The following CD47 variants were observed in gnomAD, a reference collection of about 807,000 sequenced individuals.
CD47 encodes the protein leukocyte surface antigen CD47.
In CD47, 11 loss-of-function variants were observed where a neutral mutation model predicts 44.6. That is an observed-to-expected ratio of 0.25 (90% CI 0.16 to 0.41). CD47 has a LOEUF of 0.41. Among genes scored for constraint, CD47 ranks in the 10% least tolerant of loss-of-function variants. CD47 has a pLI of 1.00. For missense variants in CD47, 306 were observed against 386.7 expected (o/e 0.79, Z 1.75); for synonymous variants, 140 against 136.3 (o/e 1.03, Z -0.19).
chr3:108,060,987 T>C, intron 3 of CD47, 135 bp from the exon 4 acceptor site: 1 of 600,232 alleles, frequency 1.7e-6, no homozygotes. Flanking sequence ...CTTAATATCA[T>C]CAAGTCACCT....
At position 108,046,981 on chromosome 3, in the gene CD47, C is replaced by T. The variant is rs2078730939; in HGVS notation, c.*307G>A. 2 of 305,152 alleles carry T rather than the reference C, an allele frequency of 6.6e-6. No individual in the cohort carries two copies. The highest frequency in any genetic ancestry group is 1.2e-5 in the Non-Finnish European group (2 of 167,170). 18.9% of individuals were successfully genotyped at this position (305,152 alleles called of 1,614,324 possible). Reference sequence around the variant, plus strand: ...TACCTAGAGGCCAGAGGCCCTAGGACCTGAAAGGCATCATTCTTGGAAATT... The same window carrying T: ...TACCTAGAGGCCAGAGGCCCTAGGATCTGAAAGGCATCATTCTTGGAAATT... On this transcript the variant is annotated 3_prime_UTR_variant, in exon 11 of 11. Transcript: ENST00000361309.
chr3:108,062,613 T>C (rs1340087398), intron 3 of CD47, among the ~76,000 whole-genome samples: 1 of 151,736 alleles, frequency 6.6e-6, no homozygotes, highest in Non-Finnish European at 1.5e-5. Flanking sequence ...TTGACTTATG[T>C]TCTTCTTCTA....
chr3:108,054,255 C>G (rs913636466), intron 7 of CD47: 3 of 152,106 alleles, frequency 2.0e-5, no homozygotes, highest in African/African-American at 7.2e-5. Flanking sequence ...TTGCTAACCG[C>G]CAAGTAACTC....
chr3:108,074,409 G>C (rs2079267192), intron 2 of CD47, among the ~76,000 whole-genome samples: 1 of 152,022 alleles, frequency 6.6e-6, no homozygotes, highest in African/African-American at 2.4e-5. Flanking sequence ...CACCTCCCGG[G>C]TTCAAGCAAT....
rs1476690978 is a variant in CD47, at chr3:108,044,691, GA to G, written c.*2596del. 2 of 152,142 alleles carry G rather than the reference GA, an allele frequency of 1.3e-5. No homozygotes were observed. The highest frequency in any genetic ancestry group is 2.1e-4 in the South Asian group (1 of 4,834). The allele number at this position is 152,142 out of a possible 1,614,324, so 9.4% of individuals were successfully genotyped here. A position where few individuals can be genotyped will look rare whatever the true frequency, so the allele number is the denominator to read the frequency against. Reference sequence around the variant, plus strand: ...AGCAGAGATGCATAAAGTACTATAGGAATGGTAAGTTAAGAGACAAAAGAGC... The same window carrying G: ...AGCAGAGATGCATAAAGTACTATAGGATGGTAAGTTAAGAGACAAAAGAGC... On this transcript the variant is annotated 3_prime_UTR_variant, in exon 11 of 11. Coordinates refer to ENST00000361309, the MANE Select transcript of CD47 (RefSeq NM_001777.4).
chr3:108,085,858 C>T (rs560340192), intron 1 of CD47, among the ~76,000 whole-genome samples: 3 of 152,076 alleles, frequency 2.0e-5, no homozygotes, highest in South Asian at 2.1e-4. Flanking sequence ...TTCAAGAGAA[C>T]CTGCCACTGC....
intron 2 of CD47, among the ~76,000 whole-genome samples, chr3:108,072,490 A>G (rs980120606): frequency 2.0e-5 from 3 of 152,204 alleles, no homozygotes; most frequent in African/African-American, 7.2e-5. Context: ...ATTTTCCTCT[A>G]TATGTAGTAG....
chr3:108,076,112 G>A (rs1038707271), intron 2 of CD47, among the ~76,000 whole-genome samples: 1 of 152,192 alleles, frequency 6.6e-6, no homozygotes, highest in Non-Finnish European at 1.5e-5. Flanking sequence ...AGTCTTTTAA[G>A]ACTTTGATCA....
At position 108,050,588 on chromosome 3, in the gene CD47, T is replaced by C; in HGVS notation, c.924A>G (p.Glu308=). ...TIQPPRKAVE[E]PLNAFKESKG... ...GAAATAACCACATACCATTAAGGGG[T>C]TCCTCTACAGCTTTCTGAAAAATAT... The change falls in exon 9 of 11, where the codon GAA becomes GAG. Residue 308 remains glutamate (E), a synonymous_variant. Transcript: ENST00000361309. 3.3e-6 allele frequency: 4 copies of C among 1,197,398 alleles called. No homozygotes were observed. Among genetic ancestry groups the C allele is most frequent in the Non-Finnish European group, 4.8e-6 (4 of 835,906 alleles). 74.2% of individuals were successfully genotyped at this position (1,197,398 alleles called of 1,614,324 possible). A position where few individuals can be genotyped will look rare whatever the true frequency, so the allele number is the denominator to read the frequency against.
chr3:108,063,695 CA>C (rs1384313066), intron 3 of CD47, among the ~76,000 whole-genome samples: 1 of 152,156 alleles, frequency 6.6e-6, no homozygotes, highest in Non-Finnish European at 1.5e-5. Flanking sequence ...AAAAATAACT[CA>C]ATGTGTTGTT....
chr3:108,070,796 T>C (rs2079186266), intron 3 of CD47, among the ~76,000 whole-genome samples: 1 of 151,994 alleles, frequency 6.6e-6, no homozygotes, highest in African/African-American at 2.4e-5. Flanking sequence ...AGATGTTCTG[T>C]GAATATTAAA....
At chr3:108,086,093 A>C (rs1295208166) in intron 1 of CD47, among the ~76,000 whole-genome samples, 1 of 152,156 alleles carries the variant, frequency 6.6e-6, no homozygotes. Flanking sequence ...ACAGCCAGAT[A>C]AAGAAAGTGA....
At chr3:108,056,183 A>G (rs999689085) in intron 7 of CD47, among the ~76,000 whole-genome samples, 1 of 152,192 alleles carries the variant, frequency 6.6e-6, no homozygotes, top group Non-Finnish European at 1.5e-5. Flanking sequence ...AACATTCAAG[A>G]TGTTCACTGT....
At chr3:108,073,535 C>G (rs918257924) in intron 2 of CD47, among the ~76,000 whole-genome samples, 3 of 151,996 alleles carry the variant, frequency 2.0e-5, no homozygotes, top group Non-Finnish European at 2.9e-5. Context: ...ATTGTGAAGA[C>G]AGGGAGGAAG....
chr3:108,081,937 T>C (rs2079428005), intron 1 of CD47, among the ~76,000 whole-genome samples: 1 of 151,974 alleles, frequency 6.6e-6, no homozygotes, highest in African/African-American at 2.4e-5. Flanking sequence ...CCCAGTTTTC[T>C]ACATTTCTAG....
At chr3:108,088,805 T>C (rs573878934) in intron 1 of CD47, among the ~76,000 whole-genome samples, 1 of 152,322 alleles carries the variant, frequency 6.6e-6, no homozygotes, top group South Asian at 2.1e-4. Flanking sequence ...TGCAACATAG[T>C]AATTCATTTC....
At chr3:108,047,702 G>C (rs1424800913) in intron 10 of CD47, among the ~76,000 whole-genome samples, 2 of 152,164 alleles carry the variant, frequency 1.3e-5, no homozygotes, top group African/African-American at 2.4e-5. Flanking sequence ...CTGATCCCTA[G>C]GAAGCACCCT....
chr3:108,059,549 C>CAATAAATAAATA lies in CD47; in HGVS notation c.599-6_599-5insTATTTATTTATT. On this transcript the variant is annotated splice_polypyrimidine_tract_variant and splice_region_variant and intron_variant, in intron 4 of 10. Transcript: ENST00000361309. ...CATTCTTTAATGAATATTCACCTGT[C>CAATAAATAAATA]AATAAATAAAAACATTTAAAATATT... The CAATAAATAAATA allele has an allele frequency of 7.4e-7, 1 of 1,359,674 alleles. No homozygotes were observed. Among genetic ancestry groups the CAATAAATAAATA allele is most frequent in the Non-Finnish European group, 1.0e-6 (1 of 993,346 alleles). The allele number at this position is 1,359,674 out of a possible 1,614,324, so 84.2% of individuals were successfully genotyped here.
At chr3:108,055,652 T>G (rs1489766756) in intron 7 of CD47, 3 of 693,998 alleles carry the variant, frequency 4.3e-6, no homozygotes, top group Non-Finnish European at 4.6e-6. Flanking sequence ...GCACTAAATT[T>G]TAAACATATA....
Sources: gnomAD v4.1 joint callset for allele counts (sites outside exome capture counted in the v4.1 genomes callset) on GRCh38, gnomAD v4.1.1 for gene constraint, MANE v1.5 for transcripts, NCBI Gene and HGNC (gene_info 2026-07-23, HGNC 2026-07-21) for gene names.